Variants in ATP2B4 observed in about 807,000 individuals in gnomAD.
ATP2B4 encodes the protein ATPase plasma membrane Ca2+ transporting 4, also known as plasma membrane calcium-transporting ATPase 4.
ATP2B4 carries 39 observed loss-of-function variants against 110.3 expected under a neutral mutation model. The observed-to-expected ratio is 0.35, with a 90% CI of 0.27 to 0.46. The LOEUF (loss-of-function observed/expected upper bound fraction) is 0.46, where lower values mean the gene tolerates loss of function less well. ATP2B4 is among the 20% of genes least tolerant of loss of function. The pLI is 1.00. For missense variants in ATP2B4, 1,135 were observed against 1,530.9 expected (o/e 0.74, Z 4.32); for synonymous variants, 538 against 571.7 (o/e 0.94, Z 0.84).
chr1:203,639,053 G>C lies in ATP2B4; in HGVS notation c.-465+11834G>C, dbSNP rs1663549911. Among the ~76,000 whole-genome samples, 4 of 152,208 alleles carry C rather than the reference G, an allele frequency of 2.6e-5. No individual in the cohort carries two copies. The South Asian group carries it at 8.3e-4, about 32-fold the overall frequency. On this transcript the variant is annotated intron_variant, in intron 1 of 20. Transcript: ENST00000357681. Reference sequence around the variant, plus strand: ...GTGTGCAGAGATCTCCTCCTGCCGGGGTATTCTTGGCCCTACGCTTTCCTC... The same window carrying C: ...GTGTGCAGAGATCTCCTCCTGCCGGCGTATTCTTGGCCCTACGCTTTCCTC...
chr1:203,649,306 C>T (rs1242118471), intron 1 of ATP2B4, among the ~76,000 whole-genome samples: 1 of 152,094 alleles, frequency 6.6e-6, no homozygotes, highest in Non-Finnish European at 1.5e-5. Flanking sequence ...AAAAGAATTC[C>T]TTAATTTATT....
At position 203,710,885 on chromosome 1, in the gene ATP2B4, G is replaced by A. The variant is rs779728673; in HGVS notation, c.1808G>A (p.Arg603Gln). 5 of 1,612,206 alleles carry A rather than the reference G, an allele frequency of 3.1e-6. No individual in the cohort carries two copies. The highest frequency in any genetic ancestry group is 1.1e-5 in the South Asian group (1 of 90,758). Residue 603 changes from arginine to glutamine, a missense_variant, in exon 12 of 21, where the codon CGA becomes CAA. Physicochemically the swap from Arg to Gln is conservative, Grantham distance 43 (BLOSUM62 1). Coordinates refer to ENST00000357681, the MANE Select transcript of ATP2B4 (RefSeq NM_001684.5). ...ASEIILRKCN[R>Q]ILDRKGEAVP... is the part of the protein sequence containing the mutation. ...ACTGTGCGCCTCCCCAGGTGTAATC[G>A]AATCCTGGACCGGAAAGGGGAAGCA...
chr1:203,710,171 G>C (rs920568559), intron 11 of ATP2B4, among the ~76,000 whole-genome samples: 5 of 151,962 alleles, frequency 3.3e-5, no homozygotes, highest in African/African-American at 1.2e-4. Context: ...TTCGAAACCA[G>C]CCCGACCAAC....
intron 1 of ATP2B4, among the ~76,000 whole-genome samples, chr1:203,682,505 G>A (rs775523206): frequency 2.6e-5 from 4 of 152,102 alleles, no homozygotes; most frequent in Non-Finnish European, 5.9e-5. Flanking sequence ...GTGAAGACTC[G>A]GGTATTGAAA....
chr1:203,690,204 G>C (rs1665324705), intron 2 of ATP2B4, among the ~76,000 whole-genome samples: 1 of 152,158 alleles, frequency 6.6e-6, no homozygotes. Context: ...TGTGCCTTTT[G>C]AGGGCAGTGG....
chr1:203,657,657 C>G (rs148817302), intron 1 of ATP2B4: 2 of 803,410 alleles, frequency 2.5e-6, no homozygotes, highest in East Asian at 4.9e-5. Context: ...ATGAGCCTCT[C>G]GTTCATAAGC....
intron 1 of ATP2B4, among the ~76,000 whole-genome samples, chr1:203,656,411 T>C (rs1370705390): frequency 1.3e-5 from 2 of 152,204 alleles, no homozygotes; most frequent in African/African-American, 4.8e-5. Flanking sequence ...TTATTCTACA[T>C]GGTAAATGGA....
rs746763260 is a variant in ATP2B4, at chr1:203,739,699, A to C, written c.3463A>C (p.Asn1155His). ...ACTCCTGGATGAGGAAGAGGAGGAA[A>C]ATCCTGACAAGGCTTCTAAGTTTGG... ...TPLLDEEEEE[N>H]PDKASKFGTR... The change falls in exon 21 of 21, where the codon AAT becomes CAT. Residue 1155 changes from asparagine to histidine, a missense_variant. Physicochemically the swap from Asn to His is moderately conservative, Grantham distance 68. This residue lies in a region of ATP2B4 where 92 missense variants were observed against 82.5 expected (regional missense o/e 1.11). Transcript: ENST00000357681. The C allele has an allele frequency of 1.9e-6, 3 of 1,614,048 alleles. No homozygotes were observed. Among genetic ancestry groups the C allele is most frequent in the East Asian group, 4.5e-5 (2 of 44,888 alleles).
intron 1 of ATP2B4, among the ~76,000 whole-genome samples, chr1:203,645,898 C>T (rs967788987): frequency 6.6e-6 from 1 of 151,844 alleles, no homozygotes; most frequent in African/African-American, 2.4e-5. Flanking sequence ...CGTATATTGC[C>T]TTTTCATAGG....
In ATP2B4 at chr1:203,715,566, T is replaced by G. The variant is rs1046206274; in HGVS notation, c.2406+1289T>G. Among the ~76,000 whole-genome samples, 4 of 142,866 alleles carry G rather than the reference T, an allele frequency of 2.8e-5. 1 individual carries two copies. The allele number at this position is 142,866 out of a possible 152,430, so 93.7% of individuals were successfully genotyped here. ...AGATTCCGTCTCAAAAAAAATTTTCTTTTCATTATATGGGGGGATGGTGTG... is the reference window on the plus strand; with the variant it reads ...AGATTCCGTCTCAAAAAAAATTTTCGTTTCATTATATGGGGGGATGGTGTG... On this transcript the variant is annotated intron_variant, in intron 15 of 20. Transcript: ENST00000357681.
At chr1:203,651,511 T>C (rs1401293618) in intron 1 of ATP2B4, among the ~76,000 whole-genome samples, 1 of 152,216 alleles carries the variant, frequency 6.6e-6, no homozygotes, top group Non-Finnish European at 1.5e-5. Context: ...AACCACTGTC[T>C]TGGGCTGTAA....
Position 203,720,692 on chromosome 1 carries a change from C to T in ATP2B4, c.2550C>T (p.Val850=). The part of the protein sequence containing the change: ...ISKFLQFQLT[V]NVVAVIVAFT... The stretch of plus-strand genomic sequence containing the variant: ...AGTTCCTGCAGTTCCAGCTCACTGT[C>T]AATGTGGTGGCCGTGATTGTAGCCT... The change falls in exon 16 of 21, where the codon GTC becomes GTT. Residue 850 remains valine, a synonymous_variant. Coordinates refer to ENST00000357681, the MANE Select transcript of ATP2B4 (RefSeq NM_001684.5). 1 of 1,614,020 alleles carries T rather than the reference C, an allele frequency of 6.2e-7. No individual in the cohort carries two copies. Among genetic ancestry groups the T allele is most frequent in the Non-Finnish European group, 8.5e-7 (1 of 1,179,924 alleles).
intron 19 of ATP2B4, among the ~76,000 whole-genome samples, chr1:203,725,632 TC>T (rs1419599910): frequency 6.6e-6 from 1 of 152,212 alleles, no homozygotes; most frequent in Non-Finnish European, 1.5e-5. Flanking sequence ...TATAATAGTA[TC>T]ATTAAGTCTA....
intron 1 of ATP2B4, among the ~76,000 whole-genome samples, chr1:203,650,949 G>GT (rs1189421703): frequency 2.0e-5 from 3 of 152,112 alleles, no homozygotes; most frequent in Non-Finnish European, 4.4e-5. Context: ...TTCGTGTTGC[G>GT]TTTTTGTAGA....
Position 203,709,313 on chromosome 1 carries a change from G to C in ATP2B4, c.1570G>C (p.Glu524Gln), listed in dbSNP as rs1390695162. 4.3e-6 allele frequency: 7 copies of C among 1,614,202 alleles called. No homozygotes were observed. Among genetic ancestry groups the C allele is most frequent in the Non-Finnish European group, 5.9e-6 (7 of 1,180,020 alleles). ...YTSKILPPEK[E>Q]GGLPRQVGNK... ...TTTCTTCTCCCAGCCTCCAGAGAAG[G>C]AGGGAGGCCTGCCTCGGCAGGTGGG... Residue 524 changes from glutamate to glutamine, a missense_variant, in exon 11 of 21, where the codon GAG becomes CAG. Glu to Gln is a conservative substitution (Grantham distance 29). Transcript: ENST00000357681.
Position 203,627,236 on chromosome 1 carries a change from T to C in ATP2B4, c.-465+17T>C, listed in dbSNP as rs1663116898. On this transcript the variant is annotated intron_variant, in intron 1 of 20. Transcript: ENST00000357681. ...GAAAGAGAGGTAGGCTTGCAGAGAATGAATTGACTTGTGATTTGCAAACTT... is the reference window on the plus strand; with the variant it reads ...GAAAGAGAGGTAGGCTTGCAGAGAACGAATTGACTTGTGATTTGCAAACTT... 2 of 152,246 alleles carry C rather than the reference T, an allele frequency of 1.3e-5. No individual in the cohort carries two copies. The highest frequency in any genetic ancestry group is 2.9e-5 in the Non-Finnish European group (2 of 68,046). The allele number at this position is 152,246 out of a possible 1,614,324, so 9.4% of individuals were successfully genotyped here. A position where few individuals can be genotyped will look rare whatever the true frequency, so the allele number is the denominator to read the frequency against.
intron 1 of ATP2B4, among the ~76,000 whole-genome samples, chr1:203,675,001 G>A (rs922535225): frequency 8.5e-5 from 13 of 152,168 alleles, no homozygotes; most frequent in African/African-American, 1.2e-4. Context: ...GAGCCACTGC[G>A]CCTGGCCTCA....
rs59967661 is a variant in ATP2B4 at position 203,740,441 on chromosome 1, C to CTTTTTT, written c.*600_*605dup. ...TTGTCTTTTGTCTTCCCTTCCTTTC[C>CTTTTTT]TTTTTTTTTTTTTTTTTTATGATGA... On this transcript the variant is annotated 3_prime_UTR_variant, in exon 21 of 21. Coordinates refer to ENST00000357681, the MANE Select transcript of ATP2B4 (RefSeq NM_001684.5). The CTTTTTT allele has an allele frequency of 1.5e-5, 2 of 133,942 alleles. No homozygotes were observed. Among genetic ancestry groups the CTTTTTT allele is most frequent in the Non-Finnish European group, 1.6e-5 (1 of 62,520 alleles). 8.3% of individuals were successfully genotyped at this position (133,942 alleles called of 1,614,324 possible).
chr1:203,700,163 T>C, intron 4 of ATP2B4, 43 bp from the exon 5 acceptor site: 1 of 1,592,128 alleles, frequency 6.3e-7, no homozygotes, highest in East Asian at 2.2e-5. Flanking sequence ...AGCCAGTCTC[T>C]TACTATCTCC....
Sources: allele counts gnomAD v4.1 joint callset (sites outside exome capture counted in the v4.1 genomes callset), GRCh38; gene constraint gnomAD v4.1.1; regional missense constraint gnomAD v4.1.1; transcripts MANE v1.5; gene names NCBI Gene and HGNC (gene_info 2026-07-23, HGNC 2026-07-21).